The following C1RL variants were observed in gnomAD, a reference collection of about 807,000 sequenced individuals.
C1RL encodes complement C1r subcomponent like.
A neutral mutation model predicts 27.9 loss-of-function variants in C1RL; 27 were observed. The ratio of observed to expected loss-of-function variants is 0.97; its 90% CI spans 0.71 to 1.33. The LOEUF (loss-of-function observed/expected upper bound fraction) is 1.33. C1RL is among the 40% of genes most tolerant of loss of function. C1RL has a pLI of 0.00. For synonymous variants in C1RL, 248 were observed against 252.1 expected (o/e 0.98, Z 0.15); for missense variants, 563 against 623.9 (o/e 0.90, Z 1.04).
rs1938404012 is a variant in C1RL at position 7,095,607 on chromosome 12, C to G, written c.*784G>C. On this transcript the variant is annotated 3_prime_UTR_variant, in exon 6 of 6. Transcript: ENST00000266542. ...ACCATTTTCGCAGAAGCAGGAATTC[C>G]CAGGGAGGGAAAATGGTAAGGATGT... 1.0e-6 allele frequency: 1 copy of G among 985,634 alleles called. No homozygotes were observed. The highest frequency in any genetic ancestry group is 1.7e-5 in the African/African-American group (1 of 57,160). The allele number at this position is 985,634 out of a possible 1,614,324, so 61.1% of individuals were successfully genotyped here. A position where few individuals can be genotyped will look rare whatever the true frequency, so the allele number is the denominator to read the frequency against.
rs1046672798 is a variant in C1RL at position 7,095,129 on chromosome 12, T to G, written c.*1262A>C. The G allele has an allele frequency of 3.3e-5, 41 of 1,247,854 alleles. No homozygotes were observed. Among genetic ancestry groups the G allele is most frequent in the Non-Finnish European group, 3.7e-5 (36 of 973,522 alleles). The allele number at this position is 1,247,854 out of a possible 1,614,324, so 77.3% of individuals were successfully genotyped here. A position where few individuals can be genotyped will look rare whatever the true frequency, so the allele number is the denominator to read the frequency against. On this transcript the variant is annotated 3_prime_UTR_variant, in exon 6 of 6. Coordinates refer to ENST00000266542, the MANE Select transcript of C1RL (RefSeq NM_016546.4). ...GTAAATCACCTCCAATCTTTTTTTT[T>G]TGGGGGGGATGAAGTCTTGGTCTGT...
intron 2 of C1RL, among the ~76,000 whole-genome samples, chr12:7,102,961 A>G (rs1236790014): frequency 6.6e-6 from 1 of 152,164 alleles, no homozygotes; most frequent in Non-Finnish European, 1.5e-5. Flanking sequence ...CATATATCCT[A>G]GGTTTTTGCT....
At position 7,096,814 on chromosome 12, in the gene C1RL, G is replaced by A; in HGVS notation, c.1041C>T (p.His347=). The change falls in exon 6 of 6, where the codon CAC becomes CAT. Residue 347 remains histidine (H), a synonymous_variant. Coordinates refer to ENST00000266542, the MANE Select transcript of C1RL (RefSeq NM_016546.4). ...SGDIALLELQ[H]SIPLGPNVLP... ...GGACGTTGGGGCCCAGGGGGATGCT[G>A]TGCTGCAGCTCCAGGAGGGCGATGT... 1.2e-6 allele frequency: 2 copies of A among 1,605,520 alleles called. No homozygotes were observed. Among genetic ancestry groups the A allele is most frequent in the Non-Finnish European group, 1.7e-6 (2 of 1,175,240 alleles).
At chr12:7,099,634 C>T (rs867006851) in intron 5 of C1RL, 52 bp downstream of exon 5, 5 of 1,545,854 alleles carry the variant, frequency 3.2e-6, no homozygotes, top group Middle Eastern at 1.7e-4. Context: ...CTGTAGGTCC[C>T]AGTTGCAGCT....
intron 2 of C1RL, among the ~76,000 whole-genome samples, chr12:7,105,308 C>A (rs943872745): frequency 6.6e-6 from 1 of 152,088 alleles, no homozygotes; most frequent in African/African-American, 2.4e-5. Context: ...CACTCTGCAC[C>A]CCACAGGCTG....
chr12:7,097,120 G>T lies in C1RL; in HGVS notation c.735C>A (p.Thr245=). 6.2e-7 allele frequency: 1 copy of T among 1,613,196 alleles called. No homozygotes were observed. Among genetic ancestry groups the T allele is most frequent in the East Asian group, 2.2e-5 (1 of 44,870 alleles). Residue 245 remains threonine (T), a synonymous_variant, in exon 6 of 6, where the codon ACC becomes ACA. Coordinates refer to ENST00000266542, the MANE Select transcript of C1RL (RefSeq NM_016546.4). The part of the protein sequence containing the change: ...PVTPIAQNQT[T]LGSSRAKLGN... ...CCAGCTTGGCTCTGGAAGAACCGAG[G>T]GTCGTCTGATTCTGGGCAATGGGGG...
intron 2 of C1RL, among the ~76,000 whole-genome samples, chr12:7,105,833 A>C (rs1226087989): frequency 1.3e-5 from 2 of 152,234 alleles, no homozygotes; most frequent in African/African-American, 4.8e-5. Context: ...TGTCAGTGGA[A>C]AGAAACCATT....
intron 2 of C1RL, among the ~76,000 whole-genome samples, chr12:7,103,910 C>G (rs1199799473): frequency 6.6e-6 from 1 of 152,130 alleles, no homozygotes; most frequent in Non-Finnish European, 1.5e-5. Context: ...CTGAATTGAA[C>G]AAAGTATCAT....
At chr12:7,106,850 TAC>T (rs1184103002) in intron 2 of C1RL, among the ~76,000 whole-genome samples, 3 of 152,208 alleles carry the variant, frequency 2.0e-5, no homozygotes, top group Admixed American at 6.5e-5. Context: ...GTGAATATTT[TAC>T]AGTCATAATA....
At chr12:7,109,001 GA>G (rs1294861494) in intron 1 of C1RL, 108 bp downstream of exon 1, 1,394 of 336,792 alleles carry the variant, frequency 4.1e-3, no homozygotes, top group Non-Finnish European at 4.8e-3. Flanking sequence ...GGGGGGGGGG[GA>G]TGTGTGTGTG....
In C1RL at chr12:7,096,883, C is replaced by A; in HGVS notation, c.972G>T (p.Val324=). 1 of 1,598,324 alleles carries A rather than the reference C, an allele frequency of 6.3e-7. No homozygotes were observed. The highest frequency in any genetic ancestry group is 1.1e-5 in the South Asian group (1 of 88,626). The change falls in exon 6 of 6, where the codon GTG becomes GTT. Residue 324 remains valine (V), a synonymous_variant. Transcript: ENST00000266542. ...LGNHPVHRVV[V]HPDYRQNESH... ...ACTCATTCTGACGGTAGTCGGGGTG[C>A]ACAACGACACGGTGGACAGGGTGGT... is the stretch of plus-strand genomic sequence containing the variant.
In C1RL at chr12:7,109,203, T is replaced by C. The variant is rs1257819284; in HGVS notation, c.-23A>G. 1.9e-6 allele frequency: 3 copies of C among 1,561,146 alleles called. No homozygotes were observed. Among genetic ancestry groups the C allele is most frequent in the Non-Finnish European group, 2.6e-6 (3 of 1,139,080 alleles). On this transcript the variant is annotated 5_prime_UTR_variant, in exon 1 of 6. Coordinates refer to ENST00000266542, the MANE Select transcript of C1RL (RefSeq NM_016546.4). ...CATCTGGAACTGGACATCTGGGACC[T>C]GCGAGAGAACTGGCCCAGGATAGGG...
At chr12:7,097,259 G>C (rs1418790829) in intron 5 of C1RL, 96 bp from the exon 6 acceptor site, 23 of 1,114,198 alleles carry the variant, frequency 2.1e-5, no homozygotes, top group Non-Finnish European at 2.8e-5. Context: ...TAGGGGACGC[G>C]TGAAGAGACT....
intron 2 of C1RL, among the ~76,000 whole-genome samples, chr12:7,107,436 C>T (rs1938798666): frequency 6.6e-6 from 1 of 152,014 alleles, no homozygotes; most frequent in African/African-American, 2.4e-5. Context: ...TCCCAAAGTG[C>T]TGGGACTACA....
In C1RL at chr12:7,095,139, T is replaced by C; in HGVS notation, c.*1252A>G. ...TCCAATCTTTTTTTTTTGGGGGGGATGAAGTCTTGGTCTGTCCGCAGGCTG... is the reference window on the plus strand; with the variant it reads ...TCCAATCTTTTTTTTTTGGGGGGGACGAAGTCTTGGTCTGTCCGCAGGCTG... On this transcript the variant is annotated 3_prime_UTR_variant, in exon 6 of 6. Coordinates refer to ENST00000266542, the MANE Select transcript of C1RL (RefSeq NM_016546.4). The C allele has an allele frequency of 8.1e-7, 1 of 1,240,876 alleles. No individual in the cohort carries two copies. The highest frequency in any genetic ancestry group is 3.5e-4 in the Middle Eastern group (1 of 2,894). 76.9% of individuals were successfully genotyped at this position (1,240,876 alleles called of 1,614,324 possible).
At chr12:7,108,190 C>T in intron 2 of C1RL, 61 bp downstream of exon 2, 5 of 1,377,356 alleles carry the variant, frequency 3.6e-6, no homozygotes, top group Non-Finnish European at 4.9e-6. Context: ...CGCCACTTCC[C>T]ACAACCCCGG....
chr12:7,102,624 G>A (rs961467162), intron 2 of C1RL, among the ~76,000 whole-genome samples: 1 of 152,202 alleles, frequency 6.6e-6, no homozygotes, highest in Non-Finnish European at 1.5e-5. Flanking sequence ...ACCCTCTGCA[G>A]AGACTGAGCC....
At chr12:7,108,941 GCT>G in intron 1 of C1RL, 167 bp downstream of exon 1, 3 of 602,732 alleles carry the variant, frequency 5.0e-6, no homozygotes, top group South Asian at 1.7e-5. Context: ...TGCTGCTGCT[GCT>G]GCTGGTGTGT....
At chr12:7,106,760 C>G (rs189631931) in intron 2 of C1RL, among the ~76,000 whole-genome samples, 19 of 152,178 alleles carry the variant, frequency 1.2e-4, no homozygotes, top group African/African-American at 4.6e-4. Flanking sequence ...CAAAAAAACT[C>G]CATGTAACTA....
Sources: allele counts gnomAD v4.1 joint callset (sites outside exome capture counted in the v4.1 genomes callset), GRCh38; gene constraint gnomAD v4.1.1; transcripts MANE v1.5; gene names NCBI Gene and HGNC (gene_info 2026-07-23, HGNC 2026-07-21).